Variants in CAMK4 observed in about 807,000 individuals in gnomAD.
CAMK4 encodes calcium/calmodulin dependent protein kinase IV, also known as calcium/calmodulin-dependent protein kinase type IV.
Under a neutral mutation model 44.9 loss-of-function variants are expected in CAMK4, and 22 were observed. The ratio of observed to expected loss-of-function variants is 0.49; its 90% CI spans 0.35 to 0.70. The LOEUF (loss-of-function observed/expected upper bound fraction) is 0.70. CAMK4 is among the 30% of genes least tolerant of loss of function. The pLI, the probability that CAMK4 is intolerant of heterozygous loss-of-function variation, is 0.01. For missense variants in CAMK4, 498 were observed against 586.8 expected (o/e 0.85, Z 1.56); for synonymous variants, 218 against 215.4 (o/e 1.01, Z -0.11).
intron 7 of CAMK4, among the ~76,000 whole-genome samples, chr5:111,457,143 A>C (rs1489812788): frequency 6.6e-6 from 1 of 152,214 alleles, no homozygotes; most frequent in African/African-American, 2.4e-5. Flanking sequence ...TGAGTTTCTG[A>C]AATTTTTACA....
chr5:111,418,771 G>C (rs1484910307), intron 5 of CAMK4, among the ~76,000 whole-genome samples: 5 of 152,072 alleles, frequency 3.3e-5, no homozygotes, highest in Non-Finnish European at 7.4e-5. Flanking sequence ...AGGACATGAA[G>C]TCTTCATTTT....
chr5:111,293,194 C>T (rs1183157032), intron 1 of CAMK4, among the ~76,000 whole-genome samples: 2 of 152,116 alleles, frequency 1.3e-5, no homozygotes, highest in African/African-American at 4.8e-5. Flanking sequence ...GCTACAAACA[C>T]GTATGGAGAA....
chr5:111,243,273 G>T (rs147421486), intron 1 of CAMK4, among the ~76,000 whole-genome samples: 1 of 152,286 alleles, frequency 6.6e-6, no homozygotes, highest in East Asian at 1.9e-4. Flanking sequence ...AAACATCGGT[G>T]ATATGGGGAA....
chr5:111,393,726 G>T (rs890360375), intron 4 of CAMK4, among the ~76,000 whole-genome samples: 1 of 152,040 alleles, frequency 6.6e-6, no homozygotes, highest in South Asian at 2.1e-4. Context: ...GGTGGAGGTT[G>T]GGAGGAAGGA....
chr5:111,474,360 C>CTGCTGAGGGCCCTCTCTTGGCT (rs1490166281), intron 8 of CAMK4, among the ~76,000 whole-genome samples: 14 of 152,212 alleles, frequency 9.2e-5, no homozygotes, highest in Non-Finnish European at 1.8e-4. Context: ...CAGTCAGCTT[C>CTGCTGAGGGCCCTCTCTTGGCT]TGCTGAGGGC....
intron 1 of CAMK4, among the ~76,000 whole-genome samples, chr5:111,301,270 CTT>C (rs961359158): frequency 6.6e-6 from 1 of 152,092 alleles, no homozygotes; most frequent in African/African-American, 2.4e-5. Flanking sequence ...TCAAAAAAGA[CTT>C]AACATATCCT....
chr5:111,492,998 G>C lies in CAMK4; in HGVS notation c.*8532G>C, dbSNP rs1755911457. 6.6e-6 allele frequency: 1 copy of C among 152,228 alleles called. No homozygotes were observed. The highest frequency in any genetic ancestry group is 2.4e-5 in the African/African-American group (1 of 41,424). 9.4% of individuals were successfully genotyped at this position (152,228 alleles called of 1,614,324 possible). A position where few individuals can be genotyped will look rare whatever the true frequency, so the allele number is the denominator to read the frequency against. ...TAGGGAAGAAGTAGGGGGCATGTCT[G>C]GCTGAGAACCGGCCTGATCATAGAG... On this transcript the variant is annotated 3_prime_UTR_variant, in exon 11 of 11. Coordinates refer to ENST00000282356, the MANE Select transcript of CAMK4 (RefSeq NM_001744.6).
chr5:111,228,896 G>A (rs1050541342), intron 1 of CAMK4, among the ~76,000 whole-genome samples: 4 of 152,092 alleles, frequency 2.6e-5, no homozygotes, highest in Non-Finnish European at 5.9e-5. Flanking sequence ...TAAACATTTT[G>A]GAAAAACTCT....
intron 1 of CAMK4, among the ~76,000 whole-genome samples, chr5:111,239,744 T>C (rs1249460928): frequency 6.6e-6 from 1 of 152,240 alleles, no homozygotes; most frequent in Non-Finnish European, 1.5e-5. Flanking sequence ...ATTATCGATA[T>C]TAATTCTGGA....
intron 5 of CAMK4, among the ~76,000 whole-genome samples, chr5:111,442,837 T>A (rs940870443): frequency 6.7e-6 from 1 of 149,590 alleles, no homozygotes. Context: ...TTAAATATTT[T>A]AATAAGCAAT....
intron 1 of CAMK4, among the ~76,000 whole-genome samples, chr5:111,299,110 C>T (rs1447430028): frequency 5.9e-5 from 9 of 152,212 alleles, no homozygotes; most frequent in African/African-American, 9.7e-5. Context: ...AAGATGCCCT[C>T]GGCCTAGGAG....
At chr5:111,433,875 G>T (rs1348190996) in intron 5 of CAMK4, among the ~76,000 whole-genome samples, 2 of 152,134 alleles carry the variant, frequency 1.3e-5, no homozygotes, top group African/African-American at 4.8e-5. Context: ...GGAGAAATTA[G>T]ACTTAAGCTT....
intron 1 of CAMK4, among the ~76,000 whole-genome samples, chr5:111,245,660 C>T (rs1007466795): frequency 6.6e-6 from 1 of 152,156 alleles, no homozygotes; most frequent in African/African-American, 2.4e-5. Context: ...ATTCCCTGAT[C>T]TAATATTTTA....
At chr5:111,297,017 A>G (rs1009127439) in intron 1 of CAMK4, among the ~76,000 whole-genome samples, 1 of 152,210 alleles carries the variant, frequency 6.6e-6, no homozygotes, top group Admixed American at 6.5e-5. Context: ...ATTATTTAGA[A>G]TTGGCCCCAA....
chr5:111,287,493 G>A (rs1215555807), intron 1 of CAMK4, among the ~76,000 whole-genome samples: 1 of 152,110 alleles, frequency 6.6e-6, no homozygotes, highest in South Asian at 2.1e-4. Context: ...ATTTAATACT[G>A]TCAATGATGA....
intron 5 of CAMK4, among the ~76,000 whole-genome samples, chr5:111,424,566 T>G (rs1177078461): frequency 6.8e-6 from 1 of 147,584 alleles, no homozygotes; most frequent in Non-Finnish European, 1.5e-5. Context: ...TGCCTCAGCC[T>G]CGCGAATAGC....
chr5:111,422,548 G>A (rs941317491), intron 5 of CAMK4, among the ~76,000 whole-genome samples: 18 of 152,108 alleles, frequency 1.2e-4, no homozygotes, highest in Admixed American at 1.0e-3. Flanking sequence ...CTGTACAAAC[G>A]TCCACTAATT....
intron 1 of CAMK4, among the ~76,000 whole-genome samples, chr5:111,310,838 A>G (rs1425503321): frequency 6.6e-6 from 1 of 152,132 alleles, no homozygotes; most frequent in Non-Finnish European, 1.5e-5. Context: ...ACATTTATTT[A>G]TGTGCATTTG....
At chr5:111,478,573 G>T in intron 9 of CAMK4, 66 bp downstream of exon 9, 8 of 812,280 alleles carry the variant, frequency 9.8e-6, no homozygotes, top group South Asian at 3.1e-5. Context: ...TTAATGGGAA[G>T]TACAATTTTT....
Sources: gnomAD v4.1 joint callset for allele counts (sites outside exome capture counted in the v4.1 genomes callset) on GRCh38, gnomAD v4.1.1 for gene constraint, MANE v1.5 for transcripts, NCBI Gene and HGNC (gene_info 2026-07-23, HGNC 2026-07-21) for gene names.